NMD3: variants seen among roughly 807,000 people sequenced by gnomAD.
NMD3 encodes the protein NMD3 ribosome export adaptor, also known as 60S ribosomal export protein NMD3.
A neutral mutation model predicts 73.1 loss-of-function variants in NMD3; 47 were observed. The ratio of observed to expected loss-of-function variants is 0.64; its 90% CI spans 0.51 to 0.82. The LOEUF is 0.82. Ranked by LOEUF, NMD3 falls within the 40% of genes least tolerant of loss-of-function variation. The probability of loss-of-function intolerance (pLI) is 0.00; values close to 1 mark genes in which losing one functional copy is unlikely to be tolerated. For synonymous variants in NMD3, 210 were observed against 194.5 expected (o/e 1.08, Z -0.66); for missense variants, 554 against 612.5 (o/e 0.90, Z 1.01).
chr3:161,235,130 T>TA lies in NMD3; in HGVS notation c.502dup (p.Thr168AsnfsTer26). ...AATAATTTATATTTTAGACTTTGCA[T>TA]AAAAAAACTTTCTACTATCTGGAAC... On this transcript the variant is annotated frameshift_variant, in exon 7 of 16. Transcript: ENST00000351193. LOFTEE classifies it high-confidence loss of function. 6.7e-7 allele frequency: 1 copy of TA among 1,493,380 alleles called. No individual in the cohort carries two copies. Among genetic ancestry groups the TA allele is most frequent in the Non-Finnish European group, 9.2e-7 (1 of 1,087,492 alleles). The allele number at this position is 1,493,380 out of a possible 1,614,324, so 92.5% of individuals were successfully genotyped here.
At chr3:161,224,889 TA>T (rs1736249629) in intron 2 of NMD3, 40 bp from the exon 3 acceptor site, 4 of 1,545,124 alleles carry the variant, frequency 2.6e-6, no homozygotes, top group Non-Finnish European at 3.5e-6. Flanking sequence ...TAGTGTATTT[TA>T]AAAATCTAAT....
rs748443883 is a variant in NMD3 at position 161,221,988 on chromosome 3, T to TTTTA, written c.-20-6_-20-5insTTTA. The TTTTA allele has an allele frequency of 8.2e-4, 972 of 1,191,918 alleles. 22 individuals are homozygous for TTTTA. In the African/African-American group the frequency reaches 0.011, roughly 13 times the overall value. The allele number at this position is 1,191,918 out of a possible 1,614,324, so 73.8% of individuals were successfully genotyped here. A position where few individuals can be genotyped will look rare whatever the true frequency, so the allele number is the denominator to read the frequency against. ...TTTTTTTTTTTTTTTTTTTTTTTTT[T>TTTTA]AAAAGAACTTAAGGCATACAGAACG... is the stretch of plus-strand genomic sequence containing the variant. On this transcript the variant is annotated splice_region_variant and splice_polypyrimidine_tract_variant and intron_variant, in intron 1 of 15. Transcript: ENST00000351193.
chr3:161,227,278 T>G lies in NMD3; in HGVS notation c.211T>G (p.Cys71Gly). The G allele has an allele frequency of 6.2e-7, 1 of 1,612,260 alleles. No individual in the cohort carries two copies. The highest frequency in any genetic ancestry group is 8.5e-7 in the Non-Finnish European group (1 of 1,179,034). ...YFQPPGTWIQCALESRELLAL... is the reference protein window; with the variant it reads ...YFQPPGTWIQGALESRELLAL... ...TCAACCACCAGGAACTTGGATACAG[T>G]GTGCTTTAGAATCCAGGGAACTTCT... Residue 71 changes from cysteine (C) to glycine (G), a missense_variant, in exon 4 of 16, where the codon TGT becomes GGT. Cys to Gly is a radical substitution (Grantham distance 159). Transcript: ENST00000351193.
chr3:161,233,390 T>G lies in NMD3; in HGVS notation c.277-9T>G. The G allele has an allele frequency of 6.2e-7, 1 of 1,601,104 alleles. No homozygotes were observed. The highest frequency in any genetic ancestry group is 1.7e-4 in the Middle Eastern group (1 of 5,996). Reference sequence around the variant, plus strand: ...ACTTACGTTTCTTTTTGTTTGTGTTTTATTGAAGGTACGGCTTGTAGATGC... The same window carrying G: ...ACTTACGTTTCTTTTTGTTTGTGTTGTATTGAAGGTACGGCTTGTAGATGC... On this transcript the variant is annotated splice_polypyrimidine_tract_variant and intron_variant, in intron 4 of 15. Transcript: ENST00000351193.
rs765931176 is a variant in NMD3, at chr3:161,235,113, A to G, written c.487-9A>G. 6 of 1,355,744 alleles carry G rather than the reference A, an allele frequency of 4.4e-6. No individual in the cohort carries two copies. Among genetic ancestry groups the G allele is most frequent in the Admixed American group, 2.0e-5 (1 of 50,240 alleles). 84.0% of individuals were successfully genotyped at this position (1,355,744 alleles called of 1,614,324 possible). A position where few individuals can be genotyped will look rare whatever the true frequency, so the allele number is the denominator to read the frequency against. ...GGGGCATTTATTGATCAAATAATTTATATTTTAGACTTTGCATAAAAAAAC... is the reference window on the plus strand; with the variant it reads ...GGGGCATTTATTGATCAAATAATTTGTATTTTAGACTTTGCATAAAAAAAC... On this transcript the variant is annotated splice_polypyrimidine_tract_variant and intron_variant, in intron 6 of 15. Transcript: ENST00000351193.
intron 3 of NMD3, 79 bp downstream of exon 3, chr3:161,225,143 C>A: frequency 6.9e-7 from 1 of 1,457,138 alleles, no homozygotes; most frequent in Non-Finnish European, 9.4e-7. Flanking sequence ...TGAGATTACA[C>A]GAAGGTATAT....
intron 13 of NMD3, among the ~76,000 whole-genome samples, chr3:161,248,571 G>A (rs1421370122): frequency 2.6e-5 from 4 of 152,036 alleles, no homozygotes; most frequent in Non-Finnish European, 4.4e-5. Context: ...GGCTCACTTC[G>A]TTTCACATAC....
intron 3 of NMD3, 112 bp from the exon 4 acceptor site, chr3:161,227,135 C>A: frequency 3.6e-6 from 2 of 554,108 alleles, no homozygotes; most frequent in Non-Finnish European, 6.5e-6. Flanking sequence ...TCATATCATC[C>A]TTGGGTTTTA....
At position 161,249,716 on chromosome 3, in the gene NMD3, T is replaced by C. The variant is rs868488684; in HGVS notation, c.1310+156T>C. The C allele has an allele frequency of 3.6e-5, 24 of 657,548 alleles. No homozygotes were observed. In the Middle Eastern group the frequency reaches 1.0e-3, roughly 29 times the overall value. 40.7% of individuals were successfully genotyped at this position (657,548 alleles called of 1,614,324 possible). The stretch of plus-strand genomic sequence containing the variant: ...AGGTATTAATGGAATCAGTATAAGA[T>C]GATGTAAAGACATTTAACACAGATT... On this transcript the variant is annotated intron_variant, in intron 14 of 15. Coordinates refer to ENST00000351193, the MANE Select transcript of NMD3 (RefSeq NM_015938.5).
rs1266209926 is a variant in NMD3 at position 161,234,863 on chromosome 3, G to A, written c.486+8G>A. 1 of 1,612,820 alleles carries A rather than the reference G, an allele frequency of 6.2e-7. No individual in the cohort carries two copies. Among genetic ancestry groups the A allele is most frequent in the Non-Finnish European group, 8.5e-7 (1 of 1,179,252 alleles). Reference sequence around the variant, plus strand: ...ATTCAAGTGAGGCAAAAGGTAATGAGAGAAGATGATGAGTGAGTCCTACAT... The same window carrying A: ...ATTCAAGTGAGGCAAAAGGTAATGAAAGAAGATGATGAGTGAGTCCTACAT... On this transcript the variant is annotated splice_region_variant and intron_variant, in intron 6 of 15. Transcript: ENST00000351193.
chr3:161,241,182 T>C lies in NMD3; in HGVS notation c.871+19T>C, dbSNP rs925612737. The C allele has an allele frequency of 1.4e-6, 2 of 1,424,522 alleles. No homozygotes were observed. The highest frequency in any genetic ancestry group is 1.8e-4 in the Middle Eastern group (1 of 5,706). The allele number at this position is 1,424,522 out of a possible 1,614,324, so 88.2% of individuals were successfully genotyped here. On this transcript the variant is annotated intron_variant, in intron 10 of 15. Coordinates refer to ENST00000351193, the MANE Select transcript of NMD3 (RefSeq NM_015938.5). ...CTACAAGGTAAATTCTGGAAATGAT[T>C]TGCCTTGACAATTTTGTTTTGTATG...
At chr3:161,240,175 T>TA (rs1332934363) in intron 9 of NMD3, among the ~76,000 whole-genome samples, 5 of 152,218 alleles carry the variant, frequency 3.3e-5, no homozygotes, top group African/African-American at 9.6e-5. Flanking sequence ...TGTGAATAGA[T>TA]ACACCTTAAA....
At position 161,249,502 on chromosome 3, in the gene NMD3, A is replaced by C; in HGVS notation, c.1252A>C (p.Asn418His). The change falls in exon 14 of 16, where the codon AAC (asparagine) becomes CAC (histidine). Residue 418 changes from asparagine to histidine, a missense_variant. Physicochemically the swap from Asn to His is moderately conservative, Grantham distance 68 (BLOSUM62 1). Transcript: ENST00000351193. ...YDRTKRQRRRNWKLKELARER... is the reference protein window; with the variant it reads ...YDRTKRQRRRHWKLKELARER... ...CCGGACCAAACGTCAGCGTCGTAGAAACTGGAAATTGAAAGAGCTTGCAAG... is the reference window on the plus strand; with the variant it reads ...CCGGACCAAACGTCAGCGTCGTAGACACTGGAAATTGAAAGAGCTTGCAAG... The C allele has an allele frequency of 1.9e-6, 3 of 1,613,008 alleles. No individual in the cohort carries two copies. The highest frequency in any genetic ancestry group is 2.5e-6 in the Non-Finnish European group (3 of 1,179,460).
At chr3:161,226,758 T>G (rs1203092160) in intron 3 of NMD3, among the ~76,000 whole-genome samples, 1 of 152,204 alleles carries the variant, frequency 6.6e-6, no homozygotes, top group Non-Finnish European at 1.5e-5. Flanking sequence ...TTTTAAATGT[T>G]GTTTTACAAT....
At chr3:161,234,024 G>A (rs1736642834) in intron 5 of NMD3, among the ~76,000 whole-genome samples, 1 of 152,084 alleles carries the variant, frequency 6.6e-6, no homozygotes, top group Non-Finnish European at 1.5e-5. Context: ...TCAGATTCTG[G>A]GTTTTTGGAT....
chr3:161,249,857 T>A (rs553838212), intron 14 of NMD3, among the ~76,000 whole-genome samples: 1 of 152,288 alleles, frequency 6.6e-6, no homozygotes, highest in South Asian at 2.1e-4. Flanking sequence ...TTCTGAGAAA[T>A]GCATCATTAG....
chr3:161,234,850 C>CAAA lies in NMD3; in HGVS notation c.483_485dup (p.Lys162dup). The CAAA allele has an allele frequency of 6.2e-7, 1 of 1,613,114 alleles. No homozygotes were observed. The highest frequency in any genetic ancestry group is 8.5e-7 in the Non-Finnish European group (1 of 1,179,428). On this transcript the variant is annotated inframe_insertion, in exon 6 of 16. Transcript: ENST00000351193. The stretch of plus-strand genomic sequence containing the variant: ...CTGGAAGGCTGTGATTCAAGTGAGG[C>CAAA]AAAAGGTAATGAGAGAAGATGATGA...
intron 4 of NMD3, among the ~76,000 whole-genome samples, chr3:161,232,668 C>T (rs1736587463): frequency 6.6e-6 from 1 of 152,074 alleles, no homozygotes; most frequent in African/African-American, 2.4e-5. Context: ...TTTTCTGCAT[C>T]ACTTGGACTG....
At chr3:161,244,918 T>G (rs1737138965) in intron 11 of NMD3, among the ~76,000 whole-genome samples, 1 of 152,136 alleles carries the variant, frequency 6.6e-6, no homozygotes, top group Admixed American at 6.6e-5. Context: ...CATATTGCCC[T>G]AAATTTATTC....
Sources: allele counts gnomAD v4.1 joint callset (sites outside exome capture counted in the v4.1 genomes callset), GRCh38; gene constraint gnomAD v4.1.1; transcripts MANE v1.5; gene names NCBI Gene and HGNC (gene_info 2026-07-23, HGNC 2026-07-21).